BICC1: variants seen among roughly 807,000 people sequenced by gnomAD.
The protein encoded by BICC1 is protein bicaudal C homolog 1.
Under a neutral mutation model 111.0 loss-of-function variants are expected in BICC1, and 43 were observed. The ratio of observed to expected loss-of-function variants is 0.39; its 90% CI spans 0.30 to 0.50. BICC1 has a LOEUF of 0.50. Among genes scored for constraint, BICC1 ranks in the 20% least tolerant of loss-of-function variants. The pLI, the probability that BICC1 is intolerant of heterozygous loss-of-function variation, is 0.88. For synonymous variants in BICC1, 467 were observed against 434.4 expected, an observed-to-expected ratio of 1.07 and a Z score of -0.93; for missense variants, 1,091 against 1,203.2, an observed-to-expected ratio of 0.91 and a Z score of 1.38.
At position 58,512,885 on chromosome 10, in the gene BICC1, G is replaced by C. The variant is rs996847977; in HGVS notation, c.-259G>C. Among the ~76,000 whole-genome samples the C allele has an allele frequency of 6.8e-6, 1 of 147,660 alleles. No individual in the cohort carries two copies. The highest frequency in any genetic ancestry group is 2.4e-5 in the African/African-American group (1 of 41,010). ...CGCGGCGCGCTCATTCCGCGCGGGC[G>C]TTGCTGGCGGGGGGCGGCGCAGCCA... On this transcript the variant is annotated 5_prime_UTR_variant, in exon 1 of 21. Coordinates refer to ENST00000373886, the MANE Select transcript of BICC1 (RefSeq NM_001080512.3).
intron 1 of BICC1, among the ~76,000 whole-genome samples, chr10:58,549,168 A>G (rs986145164): frequency 6.6e-6 from 1 of 151,724 alleles, no homozygotes; most frequent in Non-Finnish European, 1.5e-5. Flanking sequence ...TCTCCTATGA[A>G]TAGTATTCTA....
At chr10:58,686,999 G>A (rs576665366) in intron 2 of BICC1, among the ~76,000 whole-genome samples, 231 of 152,282 alleles carry the variant, frequency 1.5e-3, no homozygotes, top group African/African-American at 5.3e-3. Flanking sequence ...CCCCATCTTT[G>A]TGGTTTTATC....
At chr10:58,627,807 T>G (rs1476655690) in intron 2 of BICC1, among the ~76,000 whole-genome samples, 5 of 152,196 alleles carry the variant, frequency 3.3e-5, no homozygotes, top group Non-Finnish European at 7.3e-5. Flanking sequence ...ATCAGAGATG[T>G]GTCTGAAAAT....
chr10:58,710,826 G>T (rs1173330962), intron 3 of BICC1, among the ~76,000 whole-genome samples: 2 of 152,052 alleles, frequency 1.3e-5, no homozygotes, highest in African/African-American at 2.4e-5. Context: ...TTTCTTCTGG[G>T]TAGAAAAATG....
chr10:58,562,316 T>A (rs1300980948), intron 1 of BICC1, among the ~76,000 whole-genome samples: 4 of 152,102 alleles, frequency 2.6e-5, no homozygotes, highest in Non-Finnish European at 5.9e-5. Context: ...TTATTTTGTT[T>A]GACTTGACTA....
intron 2 of BICC1, among the ~76,000 whole-genome samples, chr10:58,677,927 G>A (rs147124397): frequency 0.013 from 2,052 of 152,146 alleles, 45 homozygotes; most frequent in African/African-American, 0.045. Context: ...CCAGAATTTC[G>A]TATCCAGCCA....
chr10:58,607,007 C>A (rs777396669), intron 1 of BICC1, among the ~76,000 whole-genome samples: 63 of 151,998 alleles, frequency 4.1e-4, no homozygotes, highest in Non-Finnish European at 6.9e-4. Flanking sequence ...TATTTTTGTT[C>A]TCTAAATGTT....
At chr10:58,711,374 A>C (rs1479641574) in intron 3 of BICC1, among the ~76,000 whole-genome samples, 4 of 152,178 alleles carry the variant, frequency 2.6e-5, no homozygotes, top group African/African-American at 9.6e-5. Context: ...TCAACAATAA[A>C]AATTTTATAA....
At chr10:58,767,170 T>C (rs769468626) in intron 3 of BICC1, among the ~76,000 whole-genome samples, 3 of 152,018 alleles carry the variant, frequency 2.0e-5, no homozygotes, top group Non-Finnish European at 4.4e-5. Flanking sequence ...GGGTCATGAG[T>C]ACAAGCCTTT....
intron 1 of BICC1, among the ~76,000 whole-genome samples, chr10:58,611,227 G>C (rs1845407246): frequency 6.6e-6 from 1 of 152,094 alleles, no homozygotes; most frequent in African/African-American, 2.4e-5. Flanking sequence ...TAATTAAAAA[G>C]CAATTCAAGC....
intron 10 of BICC1, among the ~76,000 whole-genome samples, chr10:58,797,058 A>C (rs1455188875): frequency 6.6e-6 from 1 of 152,210 alleles, no homozygotes; most frequent in Non-Finnish European, 1.5e-5. Context: ...GGAATAGAAA[A>C]TAGAAGAATG....
At chr10:58,645,792 G>GA (rs2132230178) in intron 2 of BICC1, among the ~76,000 whole-genome samples, 1 of 152,308 alleles carries the variant, frequency 6.6e-6, no homozygotes, top group South Asian at 2.1e-4. Context: ...GAACTGCCTT[G>GA]AAGTTGAATA....
Position 58,519,002 on chromosome 10 carries a change from C to T in BICC1, c.190+5669C>T, listed in dbSNP as rs369711138. On this transcript the variant is annotated intron_variant, in intron 1 of 20. Coordinates refer to ENST00000373886, the MANE Select transcript of BICC1 (RefSeq NM_001080512.3). ...TTACAGGCAAGAATGTATTTGGCTGCGACTAACAGGAAACCTGACACAGAG... is the reference window on the plus strand; with the variant it reads ...TTACAGGCAAGAATGTATTTGGCTGTGACTAACAGGAAACCTGACACAGAG... 9.2e-5 allele frequency among the ~76,000 whole-genome samples: 14 copies of T among 152,242 alleles called. 1 individual carries two copies. In the South Asian group the frequency reaches 2.1e-3, roughly 23 times the overall value.
intron 2 of BICC1, among the ~76,000 whole-genome samples, chr10:58,681,719 T>C (rs1839528047): frequency 6.6e-6 from 1 of 152,080 alleles, no homozygotes. Flanking sequence ...CGGTGAGTGT[T>C]TCAGTTCTTA....
At chr10:58,794,971 A>T (rs942058256) in intron 9 of BICC1, among the ~76,000 whole-genome samples, 5 of 152,220 alleles carry the variant, frequency 3.3e-5, no homozygotes, top group Admixed American at 1.3e-4. Context: ...TATGTAGTCA[A>T]TGGCAGCATT....
At position 58,619,478 on chromosome 10, in the gene BICC1, CTTTT is replaced by C. The variant is rs60650027; in HGVS notation, c.191-1363_191-1360del. Among the ~76,000 whole-genome samples, 7 of 120,750 alleles carry C rather than the reference CTTTT, an allele frequency of 5.8e-5. No individual in the cohort carries two copies. In the East Asian group the frequency reaches 7.3e-4, roughly 13 times the overall value. The allele number at this position is 120,750 out of a possible 152,430, so 79.2% of individuals were successfully genotyped here. On this transcript the variant is annotated intron_variant, in intron 1 of 20. Coordinates refer to ENST00000373886, the MANE Select transcript of BICC1 (RefSeq NM_001080512.3). The stretch of plus-strand genomic sequence containing the variant: ...AGAGAGAATTTCTCAAGTTTTGAAT[CTTTT>C]TTTTTTTTTTTTTGAGAGAGTCTTA...
At chr10:58,542,155 A>AC (rs1564479063) in intron 1 of BICC1, among the ~76,000 whole-genome samples, 8 of 147,674 alleles carry the variant, frequency 5.4e-5, no homozygotes, top group African/African-American at 1.8e-4. Context: ...TGTCTCAAAA[A>AC]AAAAAAAAAA....
rs968560149 is a variant in BICC1 at position 58,820,229 on chromosome 10, T to G, written c.2695-140T>G. The stretch of plus-strand genomic sequence containing the variant: ...ACCACCTTTCTTAATTCTTGTTTCT[T>G]AGGTTTGTGCTACCACCTTTCTTTT... On this transcript the variant is annotated intron_variant, in intron 19 of 20. Transcript: ENST00000373886. The G allele has an allele frequency of 1.5e-5, 8 of 544,640 alleles. No individual in the cohort carries two copies. In the African/African-American group the frequency reaches 1.5e-4, roughly 10 times the overall value. 33.7% of individuals were successfully genotyped at this position (544,640 alleles called of 1,614,324 possible).
intron 2 of BICC1, among the ~76,000 whole-genome samples, chr10:58,674,793 G>C (rs1438631243): frequency 6.6e-6 from 1 of 152,072 alleles, no homozygotes; most frequent in East Asian, 1.9e-4. Context: ...AGCAAAAAAA[G>C]AAAAAAGGAG....
Sources: allele counts gnomAD v4.1 joint callset (sites outside exome capture counted in the v4.1 genomes callset), GRCh38; gene constraint gnomAD v4.1.1; transcripts MANE v1.5; gene names NCBI Gene and HGNC (gene_info 2026-07-23, HGNC 2026-07-21).